EBF2: variants seen among roughly 807,000 people sequenced by gnomAD.
The protein encoded by EBF2 is EBF transcription factor 2, also known as transcription factor COE2.
Under a neutral mutation model 72.8 loss-of-function variants are expected in EBF2, and 21 were observed. The observed-to-expected ratio is 0.29, with a 90% CI of 0.20 to 0.42. EBF2 has a LOEUF of 0.42. Among genes scored for constraint, EBF2 ranks in the 10% least tolerant of loss-of-function variants. The probability of loss-of-function intolerance (pLI) is 1.00; values close to 1 mark genes in which losing one functional copy is unlikely to be tolerated. For missense variants in EBF2, 637 were observed against 731.2 expected, an observed-to-expected ratio of 0.87 and a Z score of 1.49; for synonymous variants, 299 against 274.2, an observed-to-expected ratio of 1.09 and a Z score of -0.89.
At chr8:25,911,879 G>C (rs1803135428) in intron 6 of EBF2, among the ~76,000 whole-genome samples, 1 of 152,192 alleles carries the variant, frequency 6.6e-6, no homozygotes, top group South Asian at 2.1e-4. Context: ...TGGGAAATAG[G>C]ACATCCAGGG....
chr8:25,920,157 G>C (rs1031527325), intron 6 of EBF2, among the ~76,000 whole-genome samples: 15 of 152,102 alleles, frequency 9.9e-5, no homozygotes, highest in African/African-American at 3.6e-4. Flanking sequence ...AATACACAAA[G>C]GGTCATGGAA....
At chr8:25,862,846 A>C in intron 10 of EBF2, 49 bp from the exon 11 acceptor site, 1 of 1,392,844 alleles carries the variant, frequency 7.2e-7, no homozygotes, top group East Asian at 2.4e-5. Flanking sequence ...GCTATAAAGC[A>C]AACCTTCTAA....
chr8:25,919,615 C>T (rs934999784), intron 6 of EBF2, among the ~76,000 whole-genome samples: 14 of 152,082 alleles, frequency 9.2e-5, no homozygotes, highest in African/African-American at 3.1e-4. Context: ...TTCTCAATAC[C>T]AGGCAGCCAA....
chr8:26,014,792 G>C (rs1585228288), intron 6 of EBF2, among the ~76,000 whole-genome samples: 2 of 152,222 alleles, frequency 1.3e-5, no homozygotes, highest in East Asian at 3.9e-4. Flanking sequence ...GATCTTTCAT[G>C]AGCCACATGG....
chr8:26,041,672 G>C (rs1246112670), intron 2 of EBF2, among the ~76,000 whole-genome samples: 6 of 152,222 alleles, frequency 3.9e-5, no homozygotes, highest in South Asian at 2.1e-4. Flanking sequence ...GAGAAGACAC[G>C]GCCAGAAGGC....
At chr8:25,970,939 C>G (rs971585803) in intron 6 of EBF2, among the ~76,000 whole-genome samples, 1 of 152,106 alleles carries the variant, frequency 6.6e-6, no homozygotes, top group Non-Finnish European at 1.5e-5. Context: ...CTCAAGCAAC[C>G]CTCCCACTTC....
chr8:25,986,323 A>G (rs1804456719), intron 6 of EBF2, among the ~76,000 whole-genome samples: 1 of 152,092 alleles, frequency 6.6e-6, no homozygotes, highest in African/African-American at 2.4e-5. Context: ...CTATTAATGC[A>G]GTCTACTCTA....
intron 10 of EBF2, among the ~76,000 whole-genome samples, chr8:25,881,655 C>A (rs1802606925): frequency 6.6e-6 from 1 of 152,198 alleles, no homozygotes; most frequent in Admixed American, 6.5e-5. Context: ...TGGCCTGTGC[C>A]CATGGACCTA....
At chr8:26,022,864 G>C (rs146398593) in intron 6 of EBF2, among the ~76,000 whole-genome samples, 102 of 152,292 alleles carry the variant, frequency 6.7e-4, no homozygotes, top group African/African-American at 2.3e-3. Context: ...CAAGCTTGGA[G>C]CCTCTCATCA....
chr8:25,865,714 C>A (rs747370693), intron 10 of EBF2, among the ~76,000 whole-genome samples: 4 of 151,200 alleles, frequency 2.6e-5, no homozygotes, highest in South Asian at 2.1e-4. Flanking sequence ...ACCTGAGCCA[C>A]TGCACCTGGC....
chr8:26,012,814 C>T (rs138124455), intron 6 of EBF2, among the ~76,000 whole-genome samples: 3,053 of 152,316 alleles, frequency 0.02, 47 homozygotes, highest in Non-Finnish European at 0.032. Context: ...AGCCCCATAC[C>T]GTTGACCTTT....
chr8:25,876,631 C>T (rs1180181849), intron 10 of EBF2, among the ~76,000 whole-genome samples: 4 of 152,086 alleles, frequency 2.6e-5, no homozygotes, highest in African/African-American at 4.8e-5. Flanking sequence ...CATCATCTGC[C>T]AAGTAAAACA....
chr8:25,887,007 G>A, intron 9 of EBF2, 126 bp from the exon 10 acceptor site: 1 of 997,580 alleles, frequency 1.0e-6, no homozygotes, highest in Non-Finnish European at 1.4e-6. Context: ...ACTCTAACTG[G>A]AGTACTCCTA....
intron 6 of EBF2, among the ~76,000 whole-genome samples, chr8:25,988,515 C>G (rs1054511626): frequency 6.6e-6 from 1 of 152,172 alleles, no homozygotes; most frequent in Non-Finnish European, 1.5e-5. Context: ...AACAAGGGAA[C>G]TAGGAGGCTC....
chr8:25,887,211 C>T (rs62499073), intron 9 of EBF2, among the ~76,000 whole-genome samples: 6 of 151,998 alleles, frequency 3.9e-5, no homozygotes, highest in African/African-American at 1.4e-4. Context: ...TTATTTCCTA[C>T]AAGCCCAGGC....
rs777062649 is a variant in EBF2 at position 26,044,747 on chromosome 8, G to C, written c.113C>G (p.Ala38Gly). The change falls in exon 1 of 16, where the codon GCT becomes GGT. Residue 38 changes from alanine to glycine, a missense_variant. By Grantham distance (60) the Ala-to-Gly change is moderately conservative. Transcript: ENST00000520164. The surrounding 1 kb of genome is among the most constrained non-coding windows in gnomAD (Gnocchi z 4.1). ...SWVRNVGVVD[A>G]NVAAQSGVAL... ...TCGTTACCTCTGCGCGGCGACATTAGCGTCCACCACTCCGACATTCCGGAC... is the reference window on the plus strand; with the variant it reads ...TCGTTACCTCTGCGCGGCGACATTACCGTCCACCACTCCGACATTCCGGAC... 6.2e-7 allele frequency: 1 copy of C among 1,613,986 alleles called. No individual in the cohort carries two copies. Among genetic ancestry groups the C allele is most frequent in the Admixed American group, 1.7e-5 (1 of 59,998 alleles).
intron 15 of EBF2, among the ~76,000 whole-genome samples, chr8:25,849,427 G>A (rs1425177377): frequency 6.6e-6 from 1 of 152,168 alleles, no homozygotes; most frequent in Non-Finnish European, 1.5e-5. Context: ...CCAGGCAGAT[G>A]CCATCCCCAG....
chr8:25,972,754 C>T lies in EBF2; in HGVS notation c.551+60331G>A, dbSNP rs139763170. Among the ~76,000 whole-genome samples the T allele has an allele frequency of 7.1e-3, 1,084 of 151,746 alleles. 5 individuals are homozygous for T. Among genetic ancestry groups the T allele is most frequent in the Non-Finnish European group, 0.011 (721 of 67,964 alleles). On this transcript the variant is annotated intron_variant, in intron 6 of 15. Transcript: ENST00000520164. ...AAGTATACATGAGGGCGATGGTGGC[C>T]GAGTGGGCCACGATGTGTAAAATCA...
chr8:25,962,641 C>G (rs1320964871), intron 6 of EBF2, among the ~76,000 whole-genome samples: 3 of 152,162 alleles, frequency 2.0e-5, no homozygotes, highest in African/African-American at 7.2e-5. Flanking sequence ...TTAAGTGGCT[C>G]TTAAACAAAG....
Sources: allele counts gnomAD v4.1 joint callset (sites outside exome capture counted in the v4.1 genomes callset), GRCh38; gene constraint gnomAD v4.1.1; non-coding constraint Gnocchi (gnomAD v3.1); transcripts MANE v1.5; gene names NCBI Gene and HGNC (gene_info 2026-07-23, HGNC 2026-07-21).